ANKRD45: variants seen among roughly 807,000 people sequenced by gnomAD.
ANKRD45 encodes the protein ankyrin repeat domain 45.
ANKRD45 carries 21 observed loss-of-function variants against 28.1 expected under a neutral mutation model. The observed-to-expected ratio is 0.75, with a 90% confidence interval of 0.53 to 1.08. ANKRD45 has a LOEUF of 1.08. Among genes scored for constraint, ANKRD45 ranks in the 50% least tolerant of loss-of-function variants. The pLI, the probability that ANKRD45 is intolerant of heterozygous loss-of-function variation, is 0.00. For synonymous variants in ANKRD45, 86 were observed against 103.9 expected (o/e 0.83, Z 1.05); for missense variants, 261 against 308.7 (o/e 0.85, Z 1.16).
At chr1:173,638,120 G>A (rs1668535969) in intron 3 of ANKRD45, among the ~76,000 whole-genome samples, 3 of 149,858 alleles carry the variant, frequency 2.0e-5, no homozygotes, top group Non-Finnish European at 4.4e-5. Flanking sequence ...GTGTGTGAAC[G>A]ACTACCAGTC....
intron 3 of ANKRD45, among the ~76,000 whole-genome samples, chr1:173,641,396 G>A (rs998748634): frequency 6.6e-6 from 1 of 152,128 alleles, no homozygotes; most frequent in African/African-American, 2.4e-5. Context: ...TCTCTCTGCT[G>A]TTTCCTGAAG....
chr1:173,712,395 C>A, the ANKRD45 span, among the ~76,000 whole-genome samples: 1 of 152,174 alleles, frequency 6.6e-6, no homozygotes, highest in Non-Finnish European at 1.5e-5. Context: ...TGACTTTGGG[C>A]AACTTACATA....
chr1:173,654,631 T>G (rs369546867), intron 2 of ANKRD45, among the ~76,000 whole-genome samples: 42 of 152,352 alleles, frequency 2.8e-4, no homozygotes, highest in African/African-American at 9.1e-4. Flanking sequence ...TTCCTAAATT[T>G]GAATGTTGGC....
In ANKRD45 at chr1:173,635,472, T is replaced by C. The variant is rs554783651; in HGVS notation, c.497-8313A>G. 1.2e-5 allele frequency: 16 copies of C among 1,336,162 alleles called. No individual in the cohort carries two copies. The East Asian group carries it at 4.0e-4, about 34-fold the overall frequency. 82.8% of individuals were successfully genotyped at this position (1,336,162 alleles called of 1,614,324 possible). A position where few individuals can be genotyped will look rare whatever the true frequency, so the allele number is the denominator to read the frequency against. On this transcript the variant is annotated intron_variant, in intron 3 of 5. Transcript: ENST00000333279. ...TTTTATTATTTAGCTAATTTAGCTA[T>C]TTTAAAATAGCTAAATTTTAGCTAC... is the stretch of plus-strand genomic sequence containing the variant.
chr1:173,696,187 C>A, the ANKRD45 span, among the ~76,000 whole-genome samples: 500 of 152,286 alleles, frequency 3.3e-3, 2 homozygotes, highest in African/African-American at 0.012. Flanking sequence ...TTTAAAATTT[C>A]TCTCTTTTGT....
chr1:173,626,963 A>G, intron 4 of ANKRD45, 102 bp downstream of exon 4: 1 of 713,760 alleles, frequency 1.4e-6, no homozygotes, highest in Middle Eastern at 3.8e-4. Context: ...GGAGGGAGGA[A>G]GTAAGGACCA....
chr1:173,615,206 G>A (rs1222637985), intron 5 of ANKRD45, among the ~76,000 whole-genome samples: 4 of 151,970 alleles, frequency 2.6e-5, no homozygotes, highest in Admixed American at 6.6e-5. Context: ...CCAACATGGC[G>A]AAACCCCATC....
chr1:173,675,185 G>C, the ANKRD45 span, among the ~76,000 whole-genome samples: 1 of 151,960 alleles, frequency 6.6e-6, no homozygotes, highest in Admixed American at 6.6e-5. Flanking sequence ...TAAAGTTTAA[G>C]TTATTTAGCT....
chr1:173,694,548 T>C, the ANKRD45 span, among the ~76,000 whole-genome samples: 103 of 144,134 alleles, frequency 7.1e-4, no homozygotes, highest in Non-Finnish European at 8.8e-4. Flanking sequence ...TTATTATTAT[T>C]ATTATTATTA....
the ANKRD45 span, among the ~76,000 whole-genome samples, chr1:173,699,374 G>A: frequency 6.6e-6 from 1 of 152,066 alleles, no homozygotes; most frequent in Non-Finnish European, 1.5e-5. Context: ...AACAAAAAAA[G>A]AGAATTTTAG....
the ANKRD45 span, among the ~76,000 whole-genome samples, chr1:173,707,002 A>G: frequency 6.6e-6 from 1 of 152,160 alleles, no homozygotes; most frequent in East Asian, 1.9e-4. Flanking sequence ...GGGTCTCAAA[A>G]TAGACACAAT....
chr1:173,615,420 G>C (rs901054412), intron 5 of ANKRD45, among the ~76,000 whole-genome samples: 33 of 150,296 alleles, frequency 2.2e-4, no homozygotes, highest in African/African-American at 7.1e-4. Flanking sequence ...CCCAAGTGTA[G>C]TGCTGAAGTG....
intron 1 of ANKRD45, among the ~76,000 whole-genome samples, chr1:173,668,063 C>T (rs1192521274): frequency 6.6e-6 from 1 of 152,062 alleles, no homozygotes; most frequent in African/African-American, 2.4e-5. Context: ...TTTTTTAAAT[C>T]CTCAGTTTAA....
At chr1:173,684,933 C>G in the ANKRD45 span, among the ~76,000 whole-genome samples, 1 of 152,160 alleles carries the variant, frequency 6.6e-6, no homozygotes, top group Non-Finnish European at 1.5e-5. Context: ...GACTTGAATC[C>G]TGCAGCTATT....
chr1:173,630,098 C>T (rs575896160), intron 3 of ANKRD45, among the ~76,000 whole-genome samples: 1 of 152,192 alleles, frequency 6.6e-6, no homozygotes, highest in East Asian at 1.9e-4. Flanking sequence ...GAAATATTTT[C>T]GCAGGCAAAC....
the ANKRD45 span, among the ~76,000 whole-genome samples, chr1:173,682,684 T>TACGCACACACACACACACACACACACAC: frequency 4.9e-5 from 7 of 143,940 alleles, no homozygotes; most frequent in Admixed American, 1.4e-4. Flanking sequence ...GCCTTTTAAA[T>TACGCACACACACACACACACACACACAC]ACACACACAC....
chr1:173,693,800 A>G, the ANKRD45 span, among the ~76,000 whole-genome samples: 1 of 152,204 alleles, frequency 6.6e-6, no homozygotes, highest in East Asian at 1.9e-4. Flanking sequence ...TTGCTCATTG[A>G]TTTCTTCTGA....
the ANKRD45 span, among the ~76,000 whole-genome samples, chr1:173,691,375 A>G: frequency 2.6e-5 from 4 of 152,246 alleles, no homozygotes; most frequent in Non-Finnish European, 5.9e-5. Flanking sequence ...GACCGTCCCC[A>G]GAGGGAAATG....
At chr1:173,705,306 T>G in the ANKRD45 span, among the ~76,000 whole-genome samples, 1 of 151,760 alleles carries the variant, frequency 6.6e-6, no homozygotes, top group Non-Finnish European at 1.5e-5. Context: ...TTTAAAGATA[T>G]TAAAATAAAT....
Sources: gnomAD v4.1 joint callset for allele counts (sites outside exome capture counted in the v4.1 genomes callset) on GRCh38, gnomAD v4.1.1 for gene constraint, MANE v1.5 for transcripts, NCBI Gene and HGNC (gene_info 2026-07-23, HGNC 2026-07-21) for gene names.